SCLT1: variants seen among roughly 807,000 people sequenced by gnomAD.
SCLT1 encodes the protein sodium channel and clathrin linker 1, also known as sodium channel-associated protein 1.
In SCLT1, 78 loss-of-function variants were observed where a neutral mutation model predicts 112.8. The ratio of observed to expected loss-of-function variants is 0.69; its 90% confidence interval spans 0.58 to 0.83. SCLT1 has a LOEUF of 0.83. Ranked by LOEUF, SCLT1 falls within the 40% of genes least tolerant of loss-of-function variation. SCLT1 has a pLI of 0.00. For synonymous variants in SCLT1, 257 were observed against 254.7 expected (o/e 1.01, Z -0.09); for missense variants, 747 against 770.4 (o/e 0.97, Z 0.36).
rs1285949497 is a variant in SCLT1, at chr4:129,093,398, C to G, written c.-295G>C. On this transcript the variant is annotated 5_prime_UTR_variant, in exon 1 of 21. Coordinates refer to ENST00000281142, the MANE Select transcript of SCLT1 (RefSeq NM_144643.4). ...CGGTCGATACAGGCGTCCCGCGGGT[C>G]ACTCTGGGTCTCGTCGGGCCACCTA... 4 of 480,358 alleles carry G rather than the reference C, an allele frequency of 8.3e-6. No homozygotes were observed. The highest frequency in any genetic ancestry group is 5.6e-4 in the Middle Eastern group (1 of 1,794). The allele number at this position is 480,358 out of a possible 1,614,324, so 29.8% of individuals were successfully genotyped here. A position where few individuals can be genotyped will look rare whatever the true frequency, so the allele number is the denominator to read the frequency against.
chr4:129,017,877 G>A (rs1310059838), intron 5 of SCLT1, among the ~76,000 whole-genome samples: 2 of 152,170 alleles, frequency 1.3e-5, no homozygotes, highest in Non-Finnish European at 2.9e-5. Context: ...CTATGTTCCA[G>A]TGTAAGTTCT....
intron 8 of SCLT1, among the ~76,000 whole-genome samples, chr4:128,996,322 C>T (rs1743015810): frequency 6.6e-6 from 1 of 151,984 alleles, no homozygotes. Flanking sequence ...ATGTCCTACT[C>T]TGCCATGTTA....
At chr4:129,071,824 T>C (rs182952590) in intron 2 of SCLT1, among the ~76,000 whole-genome samples, 2 of 152,322 alleles carry the variant, frequency 1.3e-5, no homozygotes, top group African/African-American at 2.4e-5. Context: ...TGTGAGGTAC[T>C]GTTGCATTCA....
At chr4:129,034,341 G>A (rs890389261) in intron 5 of SCLT1, among the ~76,000 whole-genome samples, 4 of 151,672 alleles carry the variant, frequency 2.6e-5, no homozygotes, top group Non-Finnish European at 4.4e-5. Context: ...GTCAAATTAT[G>A]AAAGCACATC....
At chr4:128,899,707 T>C (rs947076945) in intron 18 of SCLT1, among the ~76,000 whole-genome samples, 2 of 152,282 alleles carry the variant, frequency 1.3e-5, no homozygotes, top group African/African-American at 2.4e-5. Flanking sequence ...ATAAAGGGTA[T>C]TCAATTAGGA....
intron 2 of SCLT1, among the ~76,000 whole-genome samples, chr4:129,081,318 C>T (rs926362641): frequency 6.6e-6 from 1 of 152,202 alleles, no homozygotes; most frequent in South Asian, 2.1e-4. Flanking sequence ...CCGAAGAGCT[C>T]TGGGCCATGA....
intron 13 of SCLT1, among the ~76,000 whole-genome samples, chr4:128,954,036 A>G (rs1739009502): frequency 6.6e-6 from 1 of 152,108 alleles, no homozygotes; most frequent in Admixed American, 6.5e-5. Context: ...AGAGTTAGTC[A>G]CATCTCATCA....
At chr4:128,894,837 C>T (rs1733613848) in intron 18 of SCLT1, among the ~76,000 whole-genome samples, 1 of 152,092 alleles carries the variant, frequency 6.6e-6, no homozygotes, top group African/African-American at 2.4e-5. Flanking sequence ...ACCACCATGC[C>T]CAACTAATTT....
At chr4:128,890,932 G>T in intron 19 of SCLT1, 127 bp downstream of exon 19, 2 of 629,878 alleles carry the variant, frequency 3.2e-6, no homozygotes, top group South Asian at 2.1e-5. Context: ...GGCTTTTAGG[G>T]TTATGGATGA....
chr4:129,010,469 A>C (rs1482984771), intron 5 of SCLT1, among the ~76,000 whole-genome samples: 1 of 152,176 alleles, frequency 6.6e-6, no homozygotes, highest in Non-Finnish European at 1.5e-5. Context: ...ATGGTAGTTT[A>C]ATAGGAATAG....
intron 2 of SCLT1, among the ~76,000 whole-genome samples, chr4:129,081,830 T>C (rs1751967495): frequency 6.6e-6 from 1 of 152,232 alleles, no homozygotes; most frequent in African/African-American, 2.4e-5. Flanking sequence ...TACGAGCCAT[T>C]ACCTTCCTTT....
chr4:128,912,804 T>C (rs1735204602), intron 18 of SCLT1, among the ~76,000 whole-genome samples: 1 of 152,102 alleles, frequency 6.6e-6, no homozygotes, highest in Non-Finnish European at 1.5e-5. Flanking sequence ...CAAGACTTGG[T>C]TTTTAAGGCT....
intron 18 of SCLT1, among the ~76,000 whole-genome samples, chr4:128,898,579 C>T (rs1264630619): frequency 1.3e-5 from 2 of 151,950 alleles, no homozygotes; most frequent in African/African-American, 4.8e-5. Context: ...CAGGAAAGAT[C>T]GAAAATTGAC....
intron 11 of SCLT1, among the ~76,000 whole-genome samples, chr4:128,963,968 T>C (rs551568563): frequency 2.6e-5 from 4 of 152,328 alleles, no homozygotes; most frequent in African/African-American, 7.2e-5. Flanking sequence ...CTTTTCAAGA[T>C]GACTTTTAGC....
chr4:128,964,417 T>G (rs1739998950), intron 11 of SCLT1, among the ~76,000 whole-genome samples: 1 of 152,146 alleles, frequency 6.6e-6, no homozygotes. Flanking sequence ...CAAATTAGAA[T>G]TCCCAAGAAC....
intron 18 of SCLT1, among the ~76,000 whole-genome samples, chr4:128,923,867 A>G (rs1316490723): frequency 6.6e-6 from 1 of 152,068 alleles, no homozygotes. Flanking sequence ...GCTGGAGTGC[A>G]GTGGCATGAT....
intron 2 of SCLT1, among the ~76,000 whole-genome samples, chr4:129,066,290 AAATCTG>A (rs1192902090): frequency 6.6e-6 from 1 of 152,088 alleles, no homozygotes; most frequent in African/African-American, 2.4e-5. Context: ...ATAACAGAGG[AAATCTG>A]AGATCAATAA....
At chr4:128,925,335 T>C (rs911690188) in intron 18 of SCLT1, among the ~76,000 whole-genome samples, 1 of 152,046 alleles carries the variant, frequency 6.6e-6, no homozygotes, top group South Asian at 2.1e-4. Flanking sequence ...TGGAAAAAAT[T>C]TGGCCGTTAG....
chr4:129,005,608 C>A (rs1743928785), intron 5 of SCLT1, among the ~76,000 whole-genome samples: 1 of 152,120 alleles, frequency 6.6e-6, no homozygotes, highest in Non-Finnish European at 1.5e-5. Context: ...GTCAGTGTGG[C>A]AATTCCTCAG....
Sources: allele counts gnomAD v4.1 joint callset (sites outside exome capture counted in the v4.1 genomes callset), GRCh38; gene constraint gnomAD v4.1.1; transcripts MANE v1.5; gene names NCBI Gene and HGNC (gene_info 2026-07-23, HGNC 2026-07-21).